Variants in PCDHGB4 observed in about 807,000 individuals in gnomAD.
PCDHGB4 encodes the protein protocadherin gamma-B4.
Under a neutral mutation model 60.5 loss-of-function variants are expected in PCDHGB4, and 38 were observed. The ratio of observed to expected loss-of-function variants is 0.63; its 90% CI spans 0.48 to 0.82. PCDHGB4 has a LOEUF of 0.82. PCDHGB4 is among the 40% of genes least tolerant of loss of function. The pLI is 0.00. For synonymous variants in PCDHGB4, 456 were observed against 509.7 expected (o/e 0.89, Z 1.42); for missense variants, 1,109 against 1,209.6 (o/e 0.92, Z 1.23).
At position 141,490,475 on chromosome 5, in the gene PCDHGB4, T is replaced by C. The variant is rs769951029; in HGVS notation, c.2398-4332T>C. On this transcript the variant is annotated intron_variant, in intron 1 of 3. Coordinates refer to ENST00000519479, the MANE Select transcript of PCDHGB4 (RefSeq NM_003736.4). This position sits in a 1 kb window ranked among gnomAD's most constrained non-coding sequence, Gnocchi z 5.4. ...TACTCGCTGCTAACCAGCCAGCCTTTGGACCGGGAGGCCACATCCCACTAT... is the reference window on the plus strand; with the variant it reads ...TACTCGCTGCTAACCAGCCAGCCTTCGGACCGGGAGGCCACATCCCACTAT... The C allele has an allele frequency of 3.7e-6, 6 of 1,614,240 alleles. No individual in the cohort carries two copies. The highest frequency in any genetic ancestry group is 5.1e-6 in the Non-Finnish European group (6 of 1,180,038).
chr5:141,399,850 C>T (rs768366007), intron 1 of PCDHGB4: 1 of 1,612,946 alleles, frequency 6.2e-7, no homozygotes, highest in Non-Finnish European at 8.5e-7. Flanking sequence ...CGATATGGTG[C>T]CGCGCGCTGC....
intron 1 of PCDHGB4, chr5:141,418,374 T>C: frequency 1.2e-6 from 2 of 1,613,968 alleles, no homozygotes; most frequent in Non-Finnish European, 1.7e-6. Flanking sequence ...AAATACCAAC[T>C]AAGTCCTAAC....
intron 1 of PCDHGB4, chr5:141,422,844 G>A: frequency 6.2e-7 from 1 of 1,614,238 alleles, no homozygotes; most frequent in Non-Finnish European, 8.5e-7. Context: ...GTGACAGCGG[G>A]GACCCGCCCC....
intron 1 of PCDHGB4, chr5:141,414,713 C>T: frequency 6.2e-7 from 1 of 1,614,126 alleles, no homozygotes; most frequent in Admixed American, 1.7e-5. Context: ...TCCATCAACT[C>T]AGACACTGGC....
At chr5:141,409,592 A>G in intron 1 of PCDHGB4, 1 of 1,613,898 alleles carries the variant, frequency 6.2e-7, no homozygotes, top group African/African-American at 1.3e-5. Flanking sequence ...CGTGGCCGAG[A>G]ACAACCCGCC....
At chr5:141,478,050 CG>C in intron 1 of PCDHGB4, 1 of 1,614,184 alleles carries the variant, frequency 6.2e-7, no homozygotes, top group Non-Finnish European at 8.5e-7. Context: ...CAGACTCTCA[CG>C]GTCTTGATCA....
chr5:141,400,465 T>G (rs769092002), intron 1 of PCDHGB4: 2 of 1,614,060 alleles, frequency 1.2e-6, no homozygotes, highest in Admixed American at 1.7e-5. Context: ...TTGTGGTGAT[T>G]CATCTGGGGC....
In PCDHGB4 at chr5:141,432,973, G is replaced by T. The variant is rs150572360; in HGVS notation, c.2397+42692G>T. The T allele has an allele frequency of 3.7e-6, 6 of 1,614,096 alleles. 1 individual carries two copies. The highest frequency in any genetic ancestry group is 1.7e-5 in the Admixed American group (1 of 60,014). Reference sequence around the variant, plus strand: ...GCGGCTTGACAGGAGCGCCGGCGTCGCACTTTGTGGGCGTGGACGGGGTGC... The same window carrying T: ...GCGGCTTGACAGGAGCGCCGGCGTCTCACTTTGTGGGCGTGGACGGGGTGC... On this transcript the variant is annotated intron_variant, in intron 1 of 3. Coordinates refer to ENST00000519479, the MANE Select transcript of PCDHGB4 (RefSeq NM_003736.4). This position sits in a 1 kb window ranked among gnomAD's most constrained non-coding sequence, Gnocchi z 6.0.
At chr5:141,421,148 G>A (rs1334539595) in intron 1 of PCDHGB4, 2 of 1,056,062 alleles carry the variant, frequency 1.9e-6, no homozygotes, top group African/African-American at 1.6e-5. Context: ...GATGTAGTCG[G>A]CCTAGGACTT....
At chr5:141,439,190 CAA>C (rs200519543) in intron 1 of PCDHGB4, among the ~76,000 whole-genome samples, 3 of 111,702 alleles carry the variant, frequency 2.7e-5, no homozygotes, top group Non-Finnish European at 4.0e-5. Flanking sequence ...GAGACTCTGA[CAA>C]AAAAAAAAAA....
In PCDHGB4 at chr5:141,512,859, CAT is replaced by C. The variant is rs1474518602; in HGVS notation, c.*1688_*1689del. 6.6e-6 allele frequency: 1 copy of C among 152,296 alleles called. No homozygotes were observed. The highest frequency in any genetic ancestry group is 1.9e-4 in the East Asian group (1 of 5,200). The allele number at this position is 152,296 out of a possible 1,614,324, so 9.4% of individuals were successfully genotyped here. A position where few individuals can be genotyped will look rare whatever the true frequency, so the allele number is the denominator to read the frequency against. On this transcript the variant is annotated 3_prime_UTR_variant, in exon 4 of 4. Transcript: ENST00000519479. ...CTTCTCCTATAAGCGCTTCTCTTCG[CAT>C]AGTCACGTAGCTCCCACCCCACCCT... is the stretch of plus-strand genomic sequence containing the variant.
intron 1 of PCDHGB4, chr5:141,416,389 T>A (rs2096020280): frequency 6.6e-6 from 1 of 152,236 alleles, no homozygotes; most frequent in Non-Finnish European, 1.5e-5. Context: ...TATTTGGGAT[T>A]CTGCTTTTGT....
chr5:141,500,497 C>T (rs1214550546), intron 2 of PCDHGB4, among the ~76,000 whole-genome samples: 1 of 152,174 alleles, frequency 6.6e-6, no homozygotes, highest in Non-Finnish European at 1.5e-5. Context: ...GCGTGAGCCA[C>T]CGCGCCTGGC....
intron 2 of PCDHGB4, among the ~76,000 whole-genome samples, chr5:141,503,595 G>A (rs6892628): frequency 7.1e-6 from 1 of 140,086 alleles, no homozygotes. Context: ...CGAGACTCCA[G>A]CTCAAAAAAA....
At chr5:141,421,892 T>C in intron 1 of PCDHGB4, 1 of 1,613,684 alleles carries the variant, frequency 6.2e-7, no homozygotes, top group Non-Finnish European at 8.5e-7. Context: ...GGCGATCCCA[T>C]CCGAAAGGGC....
At chr5:141,426,004 C>T (rs573455573) in intron 1 of PCDHGB4, among the ~76,000 whole-genome samples, 10 of 152,264 alleles carry the variant, frequency 6.6e-5, no homozygotes, top group Non-Finnish European at 8.8e-5. Flanking sequence ...CAAAGGCTTC[C>T]GGCTGCAGTT....
chr5:141,454,693 A>G (rs951819293), intron 1 of PCDHGB4, among the ~76,000 whole-genome samples: 1 of 151,738 alleles, frequency 6.6e-6, no homozygotes, highest in Non-Finnish European at 1.5e-5. Context: ...GGCATGAGCC[A>G]CCATGCTCCA....
At chr5:141,415,740 GTT>G (rs57426385) in intron 1 of PCDHGB4, 13,277 of 614,848 alleles carry the variant, frequency 0.022, 3 homozygotes, top group South Asian at 0.023. Context: ...GTTTATTAAG[GTT>G]TTTTTTTTTT....
rs924491576 is a variant in PCDHGB4, at chr5:141,491,579, C to T, written c.2398-3228C>T. On this transcript the variant is annotated intron_variant, in intron 1 of 3. Coordinates refer to ENST00000519479, the MANE Select transcript of PCDHGB4 (RefSeq NM_003736.4). This position sits in a 1 kb window ranked among gnomAD's most constrained non-coding sequence, Gnocchi z 6.9. ...CACTGCTACAGGACGTGCTTTTCAC[C>T]GGCCTCGGACGGCAGTGACTTCACT... is the stretch of plus-strand genomic sequence containing the variant. 18 of 1,613,810 alleles carry T rather than the reference C, an allele frequency of 1.1e-5. No homozygotes were observed. Among genetic ancestry groups the T allele is most frequent in the Non-Finnish European group, 1.4e-5 (17 of 1,180,044 alleles).
Sources: allele counts gnomAD v4.1 joint callset (sites outside exome capture counted in the v4.1 genomes callset), GRCh38; gene constraint gnomAD v4.1.1; non-coding constraint Gnocchi (gnomAD v3.1); transcripts MANE v1.5; gene names NCBI Gene and HGNC (gene_info 2026-07-23, HGNC 2026-07-21).